Variants in ARHGEF1 observed in about 807,000 individuals in gnomAD.
ARHGEF1 encodes the protein Rho guanine nucleotide exchange factor 1.
ARHGEF1 carries 40 observed loss-of-function variants against 119.7 expected under a neutral mutation model. The ratio of observed to expected loss-of-function variants is 0.33; its 90% CI spans 0.26 to 0.44. ARHGEF1 has a LOEUF of 0.44. Among genes scored for constraint, ARHGEF1 ranks in the 20% least tolerant of loss-of-function variants. The probability of loss-of-function intolerance (pLI) is 1.00; values close to 1 mark genes in which losing one functional copy is unlikely to be tolerated. For synonymous variants in ARHGEF1, 494 were observed against 521.0 expected (o/e 0.95, Z 0.71); for missense variants, 976 against 1,268.3 (o/e 0.77, Z 3.50).
rs190041681 is a variant in ARHGEF1 at position 41,902,376 on chromosome 19, C to G, written c.1497+20C>G. ...GCCCGGGTGAGATGCCCAGCCCTCCCGCTCCTCCCAGCTAGACACATGGAA... is the reference window on the plus strand; with the variant it reads ...GCCCGGGTGAGATGCCCAGCCCTCCGGCTCCTCCCAGCTAGACACATGGAA... On this transcript the variant is annotated intron_variant, in intron 16 of 28. Transcript: ENST00000354532. This position sits in a 1 kb window ranked among gnomAD's most constrained non-coding sequence, Gnocchi z 6.5. The G allele has an allele frequency of 6.2e-7, 1 of 1,613,722 alleles. No individual in the cohort carries two copies. The highest frequency in any genetic ancestry group is 8.5e-7 in the Non-Finnish European group (1 of 1,179,912).
At chr19:41,924,741 C>T (rs1203876484) in intron 1 of ARHGEF1, among the ~76,000 whole-genome samples, 2 of 152,214 alleles carry the variant, frequency 1.3e-5, no homozygotes, top group East Asian at 3.9e-4. Context: ...ACACATGTGT[C>T]TAACACATGC....
In ARHGEF1 at chr19:41,917,359, G is replaced by GC. The variant is rs1201887521; in HGVS notation, c.1866-5727dup. 1.3e-5 allele frequency among the ~76,000 whole-genome samples: 2 copies of GC among 150,994 alleles called. No individual in the cohort carries two copies. The highest frequency in any genetic ancestry group is 4.9e-5 in the African/African-American group (2 of 40,924). On this transcript the variant is annotated intron_variant, in intron 18 of 20. Coordinates refer to the ARHGEF1 transcript ENST00000599589. The surrounding 1 kb of genome is among the most constrained non-coding windows in gnomAD (Gnocchi z 4.8). ...CTGTCTCCTAACGCCCCATCACCAC[G>GC]CCCCCCTGGGCTGGGGTTTAACCAG...
At position 41,902,957 on chromosome 19, in the gene ARHGEF1, T is replaced by C. The variant is rs572012665; in HGVS notation, c.1738+59T>C. On this transcript the variant is annotated intron_variant, in intron 18 of 28. Coordinates refer to ENST00000354532, the MANE Select transcript of ARHGEF1 (RefSeq NM_004706.4). The surrounding 1 kb of genome is among the most constrained non-coding windows in gnomAD (Gnocchi z 6.5). ...TCCTCTTTTTTTTTTACATTTTTTT[T>C]CTCACTCATTTTCATCAGTGATACC... 2.8e-5 allele frequency: 39 copies of C among 1,399,356 alleles called. No individual in the cohort carries two copies. The African/African-American group carries it at 4.8e-4, about 17-fold the overall frequency. 86.7% of individuals were successfully genotyped at this position (1,399,356 alleles called of 1,614,324 possible).
upstream of ARHGEF1, among the ~76,000 whole-genome samples, chr19:41,919,512 T>TACACACACAC (rs60525805): frequency 1.1e-3 from 158 of 146,592 alleles, no homozygotes; most frequent in African/African-American, 3.8e-3. Flanking sequence ...CGTGCACGCG[T>TACACACACAC]ACACACACAC....
chr19:41,896,019 A>G (rs1269363160), intron 12 of ARHGEF1, among the ~76,000 whole-genome samples: 1 of 152,116 alleles, frequency 6.6e-6, no homozygotes, highest in African/African-American at 2.4e-5. Context: ...GGAGTATGAG[A>G]GGGTGGGGAG....
chr19:41,913,812 C>G (rs1467488350), intron 18 of ARHGEF1, among the ~76,000 whole-genome samples: 1 of 150,770 alleles, frequency 6.6e-6, no homozygotes, highest in Admixed American at 6.6e-5. Context: ...CACACACACA[C>G]CCTTGCAATC....
chr19:41,907,302 A>G lies in ARHGEF1; in HGVS notation c.*215A>G. On this transcript the variant is annotated 3_prime_UTR_variant, in exon 29 of 29. Transcript: ENST00000354532. The stretch of plus-strand genomic sequence containing the variant: ...CTCCTGCCCTCTGCTTGGGGGACTC[A>G]GGGCTCCATTCTGGAGGGCACCACG... 2 of 1,532,582 alleles carry G rather than the reference A, an allele frequency of 1.3e-6. No individual in the cohort carries two copies. The highest frequency in any genetic ancestry group is 1.2e-5 in the South Asian group (1 of 83,644). 94.9% of individuals were successfully genotyped at this position (1,532,582 alleles called of 1,614,324 possible).
At chr19:41,894,135 A>AGTGGGTGTGT (rs2074433805) in intron 8 of ARHGEF1, 72 bp from the exon 9 acceptor site, 1 of 442,016 alleles carries the variant, frequency 2.3e-6, no homozygotes, top group Non-Finnish European at 3.7e-6. Context: ...TGTGTGTGTG[A>AGTGGGTGTGT]GTGTGTGTGT....
At chr19:41,928,901 C>A (rs924387607) in exon 2 of ARHGEF1, 2 of 456,158 alleles carry the variant, frequency 4.4e-6, no homozygotes, top group Admixed American at 2.4e-5. Flanking sequence ...CTGCTGGACA[C>A]GCAAGCCTGG....
chr19:41,899,025 G>T (rs1599652750), intron 14 of ARHGEF1, among the ~76,000 whole-genome samples: 1 of 152,138 alleles, frequency 6.6e-6, no homozygotes, highest in Admixed American at 6.5e-5. Flanking sequence ...CAGAGTCTCA[G>T]TTGGTCTCTC....
chr19:41,906,583 A>G lies in ARHGEF1; in HGVS notation c.2618A>G (p.Asn873Ser), dbSNP rs1555850255. The G allele has an allele frequency of 1.9e-6, 3 of 1,604,786 alleles. No individual in the cohort carries two copies. In the Admixed American group the frequency reaches 5.3e-5, roughly 28 times the overall value. The change falls in exon 27 of 29, where the codon AAC (asparagine) becomes AGC (serine). Residue 873 changes from asparagine (N) to serine (S), a missense_variant. By Grantham distance (46) the Asn-to-Ser change is conservative (BLOSUM62 1). Around this residue, in one of 3 missense-constraint regions of ARHGEF1, gnomAD observed 171 missense variants for 180.6 expected, o/e 0.95. Transcript: ENST00000354532. The surrounding 1 kb of genome is among the most constrained non-coding windows in gnomAD (Gnocchi z 4.5). The part of the protein sequence containing the change: ...SPARTQEIQE[N>S]LLSLEETMKQ... ...GCACGGACCCAGGAAATCCAGGAGA[A>G]CCTGCTCAGCTTGGAGGAGACCATG...
rs367971459 is a variant in ARHGEF1, at chr19:41,892,811, C to A, written c.576C>A (p.His192Gln). The A allele has an allele frequency of 6.3e-7, 1 of 1,583,178 alleles. No homozygotes were observed. The highest frequency in any genetic ancestry group is 1.1e-5 in the South Asian group (1 of 89,392). Residue 192 changes from histidine to glutamine, a missense_variant, in exon 7 of 29, where the codon CAC (histidine) becomes CAA (glutamine). Around this residue, in one of 3 missense-constraint regions of ARHGEF1, gnomAD observed 519 missense variants for 580.9 expected, o/e 0.89. Transcript: ENST00000354532. The surrounding 1 kb of genome is among the most constrained non-coding windows in gnomAD (Gnocchi z 6.3). The stretch of plus-strand genomic sequence containing the variant: ...CCAGCTACGAGGCCCGGGAGCGGCA[C>A]GTGGCGGAGCGGCTGCTCATGCACC... ...DRASYEARERHVAERLLMHLE... is the reference protein window; with the variant it reads ...DRASYEARERQVAERLLMHLE...
rs556015637 is a variant in ARHGEF1 at position 41,884,290 on chromosome 19, G to A, written c.-20+1001G>A. On this transcript the variant is annotated intron_variant, in intron 1 of 28. Coordinates refer to ENST00000354532, the MANE Select transcript of ARHGEF1 (RefSeq NM_004706.4). ...GCGTGGCGCAGTACAGCGCTAGAGC[G>A]GCCGGCGGGAGGAGTAGAGTCGTCG... is the stretch of plus-strand genomic sequence containing the variant. The A allele has an allele frequency of 1.3e-5, 11 of 861,100 alleles. No homozygotes were observed. The Admixed American group carries it at 2.3e-4, about 18-fold the overall frequency. The allele number at this position is 861,100 out of a possible 1,614,324, so 53.3% of individuals were successfully genotyped here.
chr19:41,892,406 C>T lies in ARHGEF1; in HGVS notation c.367+33C>T, dbSNP rs1568811901. 2 of 1,613,740 alleles carry T rather than the reference C, an allele frequency of 1.2e-6. No homozygotes were observed. Among genetic ancestry groups the T allele is most frequent in the South Asian group, 1.1e-5 (1 of 91,080 alleles). On this transcript the variant is annotated intron_variant, in intron 6 of 28. Transcript: ENST00000354532. This position sits in a 1 kb window ranked among gnomAD's most constrained non-coding sequence, Gnocchi z 6.3. ...GAAGGATGGGATGAGGGAGAGGTGT[C>T]TAGCGGGGACCACACCTCCCAGGAG... is the stretch of plus-strand genomic sequence containing the variant.
At chr19:41,923,057 C>A, upstream of ARHGEF1, 1 of 431,966 alleles carries the variant, frequency 2.3e-6, no homozygotes, top group Non-Finnish European at 4.7e-6. Flanking sequence ...GGAAGTTCAG[C>A]GCCCCCTCTG....
chr19:41,928,331 CAA>C (rs2074884328), intron 1 of ARHGEF1: 1 of 152,294 alleles, frequency 6.6e-6, no homozygotes, highest in South Asian at 2.1e-4. Context: ...GATAGACGCG[CAA>C]AGAGAGCAGA....
rs2074251577 is a variant in ARHGEF1 at position 41,883,427 on chromosome 19, TG to T, written c.-20+141del. ...CACGGAACCAGCGGCCGCCCCTCCTTGGGCCTCAGTTTTCCCATCTGTCAAA... is the reference window on the plus strand; with the variant it reads ...CACGGAACCAGCGGCCGCCCCTCCTTGGCCTCAGTTTTCCCATCTGTCAAA... On this transcript the variant is annotated intron_variant, in intron 1 of 28. Coordinates refer to ENST00000354532, the MANE Select transcript of ARHGEF1 (RefSeq NM_004706.4). This position sits in a 1 kb window ranked among gnomAD's most constrained non-coding sequence, Gnocchi z 7.6. 1 of 154,852 alleles carries T rather than the reference TG, an allele frequency of 6.5e-6. No individual in the cohort carries two copies. Among genetic ancestry groups the T allele is most frequent in the African/African-American group, 2.4e-5 (1 of 41,466 alleles). 9.6% of individuals were successfully genotyped at this position (154,852 alleles called of 1,614,324 possible).
At chr19:41,918,221 CATACCACAT>C (rs1406671891), upstream of ARHGEF1, among the ~76,000 whole-genome samples, 1 of 151,864 alleles carries the variant, frequency 6.6e-6, no homozygotes, top group African/African-American at 2.4e-5. Flanking sequence ...ATACACCACA[CATACCACAT>C]ATACACACCA....
At position 41,906,347 on chromosome 19, in the gene ARHGEF1, G is replaced by C; in HGVS notation, c.2492-110G>C. ...GAACCCCATCTGCTCAGCCTTGCCT[G>C]GCACCCACCTTCACCTCCAGCCCCT... On this transcript the variant is annotated intron_variant, in intron 26 of 28. Transcript: ENST00000354532. The surrounding 1 kb of genome is among the most constrained non-coding windows in gnomAD (Gnocchi z 4.5). 1 of 1,148,058 alleles carries C rather than the reference G, an allele frequency of 8.7e-7. No homozygotes were observed. Among genetic ancestry groups the C allele is most frequent in the East Asian group, 2.6e-5 (1 of 38,896 alleles). The allele number at this position is 1,148,058 out of a possible 1,614,324, so 71.1% of individuals were successfully genotyped here.
Sources: gnomAD v4.1 joint callset for allele counts (sites outside exome capture counted in the v4.1 genomes callset) on GRCh38, gnomAD v4.1.1 for gene constraint, gnomAD v4.1.1 regional missense constraint, Gnocchi (gnomAD v3.1) non-coding constraint, MANE v1.5 for transcripts, NCBI Gene and HGNC (gene_info 2026-07-23, HGNC 2026-07-21) for gene names.